Variants in AOPEP observed in about 807,000 individuals in gnomAD.
AOPEP encodes the protein aminopeptidase O (putative).
AOPEP carries 77 observed loss-of-function variants against 98.1 expected under a neutral mutation model. The observed-to-expected ratio is 0.78, with a 90% CI of 0.65 to 0.95. AOPEP has a LOEUF of 0.95. Among genes scored for constraint, AOPEP ranks in the 40% least tolerant of loss-of-function variants. The pLI is 0.00. For synonymous variants in AOPEP, 346 were observed against 365.3 expected (o/e 0.95, Z 0.60); for missense variants, 1,024 against 1,024.7 (o/e 1.00, Z 0.01).
intron 7 of AOPEP, chr9:94,932,481 CTTTCTTTT>C (rs2055496443): frequency 6.0e-6 from 1 of 166,316 alleles, no homozygotes; most frequent in African/African-American, 2.4e-5. Context: ...TTCTTTCTTT[CTTTCTTTT>C]TTTTTTTTTT....
chr9:94,999,078 T>A (rs1173480118), intron 11 of AOPEP, among the ~76,000 whole-genome samples: 1 of 152,062 alleles, frequency 6.6e-6, no homozygotes, highest in African/African-American at 2.4e-5. Flanking sequence ...GAGATAAATC[T>A]TAGAACCATA....
At chr9:94,811,207 A>G (rs1383710141) in intron 5 of AOPEP, among the ~76,000 whole-genome samples, 6 of 152,228 alleles carry the variant, frequency 3.9e-5, no homozygotes, top group Admixed American at 3.9e-4. Flanking sequence ...TTGTGCCTGC[A>G]GGTGGTGTTG....
chr9:95,008,791 T>C (rs2062249120), intron 13 of AOPEP, among the ~76,000 whole-genome samples: 2 of 152,240 alleles, frequency 1.3e-5, no homozygotes, highest in African/African-American at 2.4e-5. Flanking sequence ...TCTCTGAAGA[T>C]GCATCATTCT....
chr9:94,895,414 GAA>G (rs5899235), intron 5 of AOPEP, among the ~76,000 whole-genome samples: 1,746 of 57,516 alleles, frequency 0.03, 42 homozygotes, highest in African/African-American at 0.077. Context: ...ACACAAAAAG[GAA>G]AAAAAAAAAA....
chr9:95,096,556 G>A, the AOPEP span, among the ~76,000 whole-genome samples: 4 of 152,218 alleles, frequency 2.6e-5, no homozygotes, highest in Non-Finnish European at 5.9e-5. Context: ...CCAGGGGCAG[G>A]TGTGGTCCCT....
At chr9:94,915,652 G>A (rs577494234) in intron 5 of AOPEP, among the ~76,000 whole-genome samples, 1 of 152,326 alleles carries the variant, frequency 6.6e-6, no homozygotes, top group African/African-American at 2.4e-5. Context: ...CTGTCAGCCG[G>A]CAGTGCCTCT....
chr9:95,084,577 A>G (rs897303950), intron 16 of AOPEP, among the ~76,000 whole-genome samples: 5 of 152,214 alleles, frequency 3.3e-5, no homozygotes, highest in African/African-American at 1.2e-4. Flanking sequence ...GTGAAACTAC[A>G]AGGCCAGCTA....
chr9:95,042,275 G>A (rs1377322186), intron 13 of AOPEP, among the ~76,000 whole-genome samples: 4 of 149,056 alleles, frequency 2.7e-5, no homozygotes, highest in African/African-American at 9.8e-5. Flanking sequence ...TTGCGCCACT[G>A]CACTCCAGCC....
intron 13 of AOPEP, among the ~76,000 whole-genome samples, chr9:95,054,859 G>T (rs969908172): frequency 1.1e-4 from 16 of 152,252 alleles, no homozygotes; most frequent in Non-Finnish European, 1.6e-4. Context: ...AGACAAATAT[G>T]CACCAATTGA....
chr9:94,872,945 G>A (rs1452817219), intron 5 of AOPEP, among the ~76,000 whole-genome samples: 1 of 152,162 alleles, frequency 6.6e-6, no homozygotes. Context: ...TAAGTAGCCA[G>A]GCAGGAAGAT....
At chr9:95,071,515 C>G (rs1295673583) in intron 14 of AOPEP, among the ~76,000 whole-genome samples, 1 of 151,988 alleles carries the variant, frequency 6.6e-6, no homozygotes, top group East Asian at 1.9e-4. Context: ...AAGCAGCTAC[C>G]AAAAGGAGCC....
At chr9:95,044,391 G>GT (rs1331270275) in intron 13 of AOPEP, among the ~76,000 whole-genome samples, 1 of 151,628 alleles carries the variant, frequency 6.6e-6, no homozygotes, top group Admixed American at 6.6e-5. Context: ...GTGGGGGTGG[G>GT]AGTGAGGGGG....
the AOPEP span, chr9:95,110,508 G>T: frequency 9.7e-7 from 1 of 1,030,584 alleles, no homozygotes; most frequent in Middle Eastern, 4.6e-4. Context: ...ACATACGTGG[G>T]TTATAATTTT....
chr9:95,101,185 C>A, the AOPEP span: 1 of 253,174 alleles, frequency 3.9e-6, no homozygotes, highest in African/African-American at 2.2e-5. Flanking sequence ...CAGGGAGACA[C>A]AAGGGAAGCC....
At chr9:95,101,515 C>A in the AOPEP span, 2 of 690,286 alleles carry the variant, frequency 2.9e-6, no homozygotes, top group East Asian at 2.7e-5. Context: ...CTGACTGAGT[C>A]TGGGCTGAGG....
intron 13 of AOPEP, among the ~76,000 whole-genome samples, chr9:95,059,553 G>A (rs1329389259): frequency 1.3e-5 from 2 of 151,780 alleles, no homozygotes; most frequent in East Asian, 1.9e-4. Flanking sequence ...GGGGGTAGGG[G>A]GTAGGGAGGG....
At chr9:94,903,946 A>C (rs2050785316) in intron 5 of AOPEP, 1 of 151,010 alleles carries the variant, frequency 6.6e-6, no homozygotes, top group Admixed American at 6.6e-5. Flanking sequence ...ACAGTGAGCT[A>C]TGATTGTGCC....
chr9:94,807,568 T>G (rs2133891808), intron 5 of AOPEP, among the ~76,000 whole-genome samples: 1 of 152,318 alleles, frequency 6.6e-6, no homozygotes, highest in South Asian at 2.1e-4. Flanking sequence ...TTTTTTCCAT[T>G]GCAAAGAAAA....
At chr9:95,007,721 C>A (rs545253729) in intron 13 of AOPEP, among the ~76,000 whole-genome samples, 1 of 152,266 alleles carries the variant, frequency 6.6e-6, no homozygotes, top group East Asian at 1.9e-4. Flanking sequence ...CACAGCACTT[C>A]CAAGCCCTTT....
Sources: allele counts gnomAD v4.1 joint callset (sites outside exome capture counted in the v4.1 genomes callset), GRCh38; gene constraint gnomAD v4.1.1; transcripts MANE v1.5; gene names NCBI Gene and HGNC (gene_info 2026-07-23, HGNC 2026-07-21).